IL1RAPL2: variants seen among roughly 807,000 people sequenced by gnomAD.
IL1RAPL2 encodes X-linked interleukin-1 receptor accessory protein-like 2.
In IL1RAPL2, 3 loss-of-function variants were observed where a neutral mutation model predicts 44.1. That is an observed-to-expected ratio of 0.07 (90% CI 0.03 to 0.18). IL1RAPL2 has a LOEUF of 0.18. Among genes scored for constraint, IL1RAPL2 ranks in the 10% least tolerant of loss-of-function variants. The pLI, the probability that IL1RAPL2 is intolerant of heterozygous loss-of-function variation, is 1.00. For synonymous variants in IL1RAPL2, 181 were observed against 178.8 expected (o/e 1.01, Z -0.10); for missense variants, 391 against 496.4 (o/e 0.79, Z 2.02).
chrX:105,449,154 A>G (rs1192912917), intron 5 of IL1RAPL2, among the ~76,000 whole-genome samples: 1 of 111,222 alleles, frequency 9.0e-6, no homozygotes, highest in Non-Finnish European at 1.9e-5. Context: ...ATTTATTGTA[A>G]TCTTCACAGT....
rs1210128494 is a variant in IL1RAPL2, at chrX:105,008,382, A to G, written c.83-187093A>G. 2.7e-5 allele frequency among the ~76,000 whole-genome samples: 3 copies of G among 111,612 alleles called. No individual in the cohort carries two copies. In the East Asian group the frequency reaches 8.5e-4, roughly 32 times the overall value. ...TTTAAGTGAACATTCAAACTATAACACAACTCTTTCAAAGTGACGAGTATA... is the reference window on the plus strand; with the variant it reads ...TTTAAGTGAACATTCAAACTATAACGCAACTCTTTCAAAGTGACGAGTATA... On this transcript the variant is annotated intron_variant, in intron 2 of 10. Coordinates refer to ENST00000372582, the MANE Select transcript of IL1RAPL2 (RefSeq NM_017416.2).
chrX:105,219,207 C>T (rs370613439), intron 3 of IL1RAPL2: 16 of 1,208,566 alleles, frequency 1.3e-5, no homozygotes, highest in African/African-American at 3.5e-5. Context: ...GCAGCTGAGG[C>T]GGAACTGGTG....
intron 6 of IL1RAPL2, among the ~76,000 whole-genome samples, chrX:105,533,638 C>T (rs1602454095): frequency 8.9e-6 from 1 of 112,490 alleles, no homozygotes; most frequent in East Asian, 2.8e-4. Context: ...CCGTGACAAC[C>T]ACTGTTATGT....
At chrX:105,756,063 A>G (rs1179745150) in intron 10 of IL1RAPL2, among the ~76,000 whole-genome samples, 1 of 111,933 alleles carries the variant, frequency 8.9e-6, no homozygotes, top group Non-Finnish European at 1.9e-5. Flanking sequence ...CTGCTCTCGA[A>G]GAGCTTAAAA....
intron 5 of IL1RAPL2, among the ~76,000 whole-genome samples, chrX:105,377,699 A>G (rs943269114): frequency 1.8e-5 from 2 of 111,618 alleles, no homozygotes; most frequent in African/African-American, 6.5e-5. Flanking sequence ...TTACTCATGT[A>G]AAATAATTAG....
chrX:104,571,528 A>C (rs1928149680), intron 1 of IL1RAPL2, among the ~76,000 whole-genome samples: 1 of 111,326 alleles, frequency 9.0e-6, no homozygotes, highest in African/African-American at 3.3e-5. Flanking sequence ...AATAAATCTC[A>C]CAAGATCTGA....
intron 5 of IL1RAPL2, among the ~76,000 whole-genome samples, chrX:105,414,738 A>G (rs1436854330): frequency 2.7e-5 from 3 of 111,866 alleles, no homozygotes; most frequent in African/African-American, 9.7e-5. Flanking sequence ...ATGTAGGTAC[A>G]TTTTGCTGCC....
chrX:104,897,994 A>C (rs986187227), intron 2 of IL1RAPL2, among the ~76,000 whole-genome samples: 1 of 112,270 alleles, frequency 8.9e-6, no homozygotes, highest in Non-Finnish European at 1.9e-5. Flanking sequence ...CCTACTCAAG[A>C]CTTAACTGAG....
At chrX:105,166,683 G>A (rs1009612998) in intron 2 of IL1RAPL2, among the ~76,000 whole-genome samples, 9 of 112,426 alleles carry the variant, frequency 8.0e-5, no homozygotes, top group Non-Finnish European at 1.7e-4. Flanking sequence ...GGAGCTAGCT[G>A]TGCTCCATCC....
At chrX:105,282,350 G>A (rs1293100313) in intron 5 of IL1RAPL2, among the ~76,000 whole-genome samples, 1 of 111,878 alleles carries the variant, frequency 8.9e-6, no homozygotes, top group Non-Finnish European at 1.9e-5. Context: ...GCATCAAATA[G>A]GAAAATAATT....
chrX:105,042,897 C>T (rs1344716053), intron 2 of IL1RAPL2, among the ~76,000 whole-genome samples: 1 of 107,474 alleles, frequency 9.3e-6, no homozygotes. Flanking sequence ...ACTATGCAGC[C>T]ATAAAAAAGG....
chrX:105,301,118 C>T (rs190642981), intron 5 of IL1RAPL2, among the ~76,000 whole-genome samples: 2 of 111,859 alleles, frequency 1.8e-5, no homozygotes, highest in East Asian at 5.6e-4. Context: ...TTTCTCTCTT[C>T]AGTGCCTCAT....
chrX:105,020,332 A>G (rs1422777881), intron 2 of IL1RAPL2, among the ~76,000 whole-genome samples: 3 of 111,599 alleles, frequency 2.7e-5, no homozygotes, highest in Non-Finnish European at 5.7e-5. Context: ...TCTCTGTAAA[A>G]TGGAAGTAAT....
At chrX:105,251,867 A>G (rs1276973402) in intron 4 of IL1RAPL2, among the ~76,000 whole-genome samples, 1 of 111,407 alleles carries the variant, frequency 9.0e-6, no homozygotes, top group Non-Finnish European at 1.9e-5. Context: ...TGGAAAAGTT[A>G]TGTGGAAGCC....
chrX:104,606,041 C>T (rs1001967762), intron 1 of IL1RAPL2, among the ~76,000 whole-genome samples: 9 of 112,019 alleles, frequency 8.0e-5, no homozygotes, highest in African/African-American at 2.9e-4. Context: ...AGGCCAATAT[C>T]CCTGATGAAC....
At position 104,897,988 on chromosome X, in the gene IL1RAPL2, C is replaced by T. The variant is rs1923701859; in HGVS notation, c.82+238993C>T. On this transcript the variant is annotated intron_variant, in intron 2 of 10. Coordinates refer to ENST00000372582, the MANE Select transcript of IL1RAPL2 (RefSeq NM_017416.2). ...TTTCTTAAAGGAATATTGGGTCCTA[C>T]TCAAGACTTAACTGAGATGGCTGAT... Among the ~76,000 whole-genome samples, 3 of 112,291 alleles carry T rather than the reference C, an allele frequency of 2.7e-5. No homozygotes were observed. In the South Asian group the frequency reaches 1.1e-3, roughly 42 times the overall value.
intron 2 of IL1RAPL2, among the ~76,000 whole-genome samples, chrX:105,115,751 A>G (rs763708154): frequency 1.8e-5 from 2 of 112,530 alleles, no homozygotes; most frequent in South Asian, 7.3e-4. Context: ...TTGCGCCTGC[A>G]CTCCTCAGCC....
chrX:105,267,427 A>G lies in IL1RAPL2; in HGVS notation c.583A>G (p.Lys195Glu). ...AATGTGGAGAAGCATAATAATACAG[A>G]AAGGAAATGCTCTTCTGATCCAAGA... ...PKMWRSIIIQ[K>E]GNALLIQEVQ... is the part of the protein sequence containing the mutation. Residue 195 changes from lysine to glutamate, a missense_variant, in exon 5 of 11, where the codon AAA becomes GAA. Transcript: ENST00000372582. 8.3e-7 allele frequency: 1 copy of G among 1,202,743 alleles called. No homozygotes were observed. Among genetic ancestry groups the G allele is most frequent in the Middle Eastern group, 2.3e-4 (1 of 4,294 alleles).
At chrX:105,637,059 T>C (rs993216022) in intron 6 of IL1RAPL2, among the ~76,000 whole-genome samples, 1 of 110,947 alleles carries the variant, frequency 9.0e-6, no homozygotes, top group Non-Finnish European at 1.9e-5. Context: ...GGGCTATAGG[T>C]TCCAGATTAC....
Sources: allele counts gnomAD v4.1 joint callset (sites outside exome capture counted in the v4.1 genomes callset), GRCh38; gene constraint gnomAD v4.1.1; transcripts MANE v1.5; gene names NCBI Gene and HGNC (gene_info 2026-07-23, HGNC 2026-07-21).